DGKB: variants seen among roughly 807,000 people sequenced by gnomAD.
DGKB encodes 90 kDa diacylglycerol kinase.
A neutral mutation model predicts 114.3 loss-of-function variants in DGKB; 67 were observed. That is an observed-to-expected ratio of 0.59 (90% CI 0.48 to 0.72). The LOEUF (loss-of-function observed/expected upper bound fraction) is 0.72. Ranked by LOEUF, DGKB falls within the 30% of genes least tolerant of loss-of-function variation. DGKB has a pLI of 0.00. For synonymous variants in DGKB, 398 were observed against 323.1 expected (o/e 1.23, Z -2.49); for missense variants, 907 against 975.2 (o/e 0.93, Z 0.93).
At chr7:14,211,130 T>C (rs1262259394) in intron 23 of DGKB, among the ~76,000 whole-genome samples, 1 of 152,034 alleles carries the variant, frequency 6.6e-6, no homozygotes, top group Non-Finnish European at 1.5e-5. Flanking sequence ...CTGGCTCCTT[T>C]CCTCAACATT....
At chr7:14,186,429 C>G (rs1330622811) in intron 23 of DGKB, among the ~76,000 whole-genome samples, 3 of 152,274 alleles carry the variant, frequency 2.0e-5, no homozygotes, top group South Asian at 4.2e-4. Flanking sequence ...GGAATGTAAA[C>G]TAGCACAGCC....
intron 20 of DGKB, among the ~76,000 whole-genome samples, chr7:14,524,225 GA>G (rs569437780): frequency 3.8e-4 from 58 of 150,834 alleles, no homozygotes; most frequent in African/African-American, 1.3e-3. Flanking sequence ...GTTTAAATTT[GA>G]AAAAAAAATC....
chr7:14,857,761 T>G (rs972131521), intron 1 of DGKB, among the ~76,000 whole-genome samples: 10 of 152,112 alleles, frequency 6.6e-5, no homozygotes, highest in Non-Finnish European at 1.0e-4. Flanking sequence ...GCTTCTTTGT[T>G]TAAAGCATTT....
chr7:14,438,533 C>A (rs1259891071), intron 21 of DGKB, among the ~76,000 whole-genome samples: 1 of 152,080 alleles, frequency 6.6e-6, no homozygotes, highest in Non-Finnish European at 1.5e-5. Flanking sequence ...ATACAGTTAA[C>A]ACAATAATTT....
chr7:14,685,457 G>A, intron 9 of DGKB, 95 bp from the exon 10 acceptor site: 1 of 865,256 alleles, frequency 1.2e-6, no homozygotes, highest in Non-Finnish European at 1.9e-6. Context: ...TGAAGCATGT[G>A]AAGACAATCT....
chr7:14,939,311 T>C (rs1785436085), intron 1 of DGKB, among the ~76,000 whole-genome samples: 1 of 152,162 alleles, frequency 6.6e-6, no homozygotes, highest in South Asian at 2.1e-4. Flanking sequence ...CTACAATAGA[T>C]GTTCAGTAAA....
At chr7:14,194,195 T>C (rs910330661) in intron 23 of DGKB, among the ~76,000 whole-genome samples, 3 of 152,150 alleles carry the variant, frequency 2.0e-5, no homozygotes, top group Non-Finnish European at 4.4e-5. Context: ...ATTCCACTAC[T>C]GGATGTATAG....
chr7:14,348,848 G>C (rs1442991865), intron 21 of DGKB, among the ~76,000 whole-genome samples: 1 of 151,784 alleles, frequency 6.6e-6, no homozygotes, highest in South Asian at 2.1e-4. Flanking sequence ...AGGAAGAAGA[G>C]ACAAGTTCTG....
chr7:14,439,003 T>A (rs558441592), intron 21 of DGKB, among the ~76,000 whole-genome samples: 4 of 152,018 alleles, frequency 2.6e-5, no homozygotes, highest in Admixed American at 2.6e-4. Context: ...TTTTTTTCTT[T>A]TAGTTCAAGT....
At chr7:14,505,780 A>C (rs1464761677) in intron 20 of DGKB, among the ~76,000 whole-genome samples, 1 of 152,158 alleles carries the variant, frequency 6.6e-6, no homozygotes, top group South Asian at 2.1e-4. Context: ...CTCAAACGCC[A>C]GTAATTTGCT....
intron 13 of DGKB, among the ~76,000 whole-genome samples, chr7:14,648,517 A>G (rs1036295098): frequency 5.8e-5 from 1 of 17,220 alleles, no homozygotes; most frequent in African/African-American, 1.3e-4. Context: ...TCAAACACCA[A>G]AAGTAGATAA....
intron 2 of DGKB, among the ~76,000 whole-genome samples, chr7:14,812,631 G>T (rs1843594564): frequency 2.0e-5 from 3 of 151,864 alleles, no homozygotes; most frequent in African/African-American, 7.3e-5. Flanking sequence ...CAGCTCCCAG[G>T]GTCCCAGATA....
At chr7:14,234,503 G>T (rs867165039) in intron 23 of DGKB, among the ~76,000 whole-genome samples, 28 of 152,000 alleles carry the variant, frequency 1.8e-4, no homozygotes, top group Admixed American at 1.5e-3. Flanking sequence ...TATTTTTCCA[G>T]TGGTTTAAAC....
At chr7:14,853,732 G>C (rs1416221501) in intron 1 of DGKB, among the ~76,000 whole-genome samples, 2 of 151,358 alleles carry the variant, frequency 1.3e-5, no homozygotes, top group African/African-American at 4.9e-5. Flanking sequence ...GCCGGGAGTG[G>C]TGGTGGGCGC....
intron 21 of DGKB, among the ~76,000 whole-genome samples, chr7:14,382,378 A>G (rs902126093): frequency 6.5e-5 from 5 of 77,390 alleles, no homozygotes. Context: ...TCAAATACAT[A>G]GTTTTTTTTT....
At chr7:14,569,127 T>C (rs1022966767) in intron 20 of DGKB, among the ~76,000 whole-genome samples, 9 of 152,210 alleles carry the variant, frequency 5.9e-5, no homozygotes, top group Admixed American at 2.6e-4. Context: ...TAGATGACTT[T>C]GTTGAATGAC....
chr7:14,227,456 T>G (rs1790986941), intron 23 of DGKB, among the ~76,000 whole-genome samples: 1 of 152,190 alleles, frequency 6.6e-6, no homozygotes, highest in East Asian at 1.9e-4. Context: ...ATGAAAAGAA[T>G]AGATCATAAT....
chr7:14,400,989 G>T lies in DGKB; in HGVS notation c.1836-55598C>A, dbSNP rs889258669. ...TTTGCTGTCCTGTACTAGATATGTT[G>T]TCTTGTTGACTACAAAATCACCACC... On this transcript the variant is annotated intron_variant, in intron 21 of 25. Transcript: ENST00000402815. 3.3e-5 allele frequency among the ~76,000 whole-genome samples: 5 copies of T among 151,816 alleles called. No individual in the cohort carries two copies. In the East Asian group the frequency reaches 9.7e-4, roughly 29 times the overall value.
chr7:14,304,195 T>G (rs1263124478), intron 23 of DGKB, among the ~76,000 whole-genome samples: 1 of 152,218 alleles, frequency 6.6e-6, no homozygotes, highest in South Asian at 2.1e-4. Context: ...TTTATGTGTT[T>G]GCTTCAAGTT....
Sources: gnomAD v4.1 joint callset for allele counts (sites outside exome capture counted in the v4.1 genomes callset) on GRCh38, gnomAD v4.1.1 for gene constraint, MANE v1.5 for transcripts, NCBI Gene and HGNC (gene_info 2026-07-23, HGNC 2026-07-21) for gene names.